Variants in KIFAP3 observed in about 807,000 individuals in gnomAD.
KIFAP3 encodes the protein kinesin-associated protein 3.
Under a neutral mutation model 106.5 loss-of-function variants are expected in KIFAP3, and 68 were observed. That is an observed-to-expected ratio of 0.64 (90% CI 0.53 to 0.78). The LOEUF is 0.78. KIFAP3 is among the 30% of genes least tolerant of loss of function. The pLI, the probability that KIFAP3 is intolerant of heterozygous loss-of-function variation, is 0.00. For missense variants in KIFAP3, 780 were observed against 941.8 expected, an observed-to-expected ratio of 0.83 and a Z score of 2.25; for synonymous variants, 320 against 311.5, an observed-to-expected ratio of 1.03 and a Z score of -0.29.
rs192475827 is a variant in KIFAP3, at chr1:169,994,574, T to C, written c.1184-2319A>G. Among the ~76,000 whole-genome samples, 547 of 152,220 alleles carry C rather than the reference T, an allele frequency of 3.6e-3. 7 individuals carry two copies. Among genetic ancestry groups the C allele is most frequent in the African/African-American group, 0.012 (496 of 41,560 alleles). ...TCCTTGGGATAAGATAAAAACAATA[T>C]ATGTTTTTCAGATGAATGGACACTA... On this transcript the variant is annotated intron_variant, in intron 10 of 19. Coordinates refer to ENST00000361580, the MANE Select transcript of KIFAP3 (RefSeq NM_014970.4).
At position 169,968,620 on chromosome 1, in the gene KIFAP3, ATAT is replaced by A. The variant is rs201259837; in HGVS notation, c.1983+3890_1983+3892del. Reference sequence around the variant, plus strand: ...ATCTTAAAAAATATTTATCCCAATAATATTGATAGACATACACATAATTTAACA... The same window carrying A: ...ATCTTAAAAAATATTTATCCCAATAATGATAGACATACACATAATTTAACA... On this transcript the variant is annotated intron_variant, in intron 17 of 19. Transcript: ENST00000361580. Among the ~76,000 whole-genome samples the A allele has an allele frequency of 2.2e-3, 335 of 152,082 alleles. 9 individuals carry two copies. The East Asian group carries it at 0.056, about 25-fold the overall frequency.
intron 8 of KIFAP3, among the ~76,000 whole-genome samples, chr1:170,030,611 A>G (rs1330825094): frequency 1.3e-5 from 2 of 151,940 alleles, no homozygotes; most frequent in African/African-American, 4.8e-5. Flanking sequence ...ATACTATTCA[A>G]TAACAAAAAG....
chr1:170,026,615 G>A (rs571645548), intron 8 of KIFAP3, among the ~76,000 whole-genome samples: 1 of 152,284 alleles, frequency 6.6e-6, no homozygotes, highest in South Asian at 2.1e-4. Flanking sequence ...AGAAAGAGCT[G>A]AGCAGAGAGA....
chr1:169,938,563 A>C (rs1027871791), intron 19 of KIFAP3, among the ~76,000 whole-genome samples: 1 of 152,162 alleles, frequency 6.6e-6, no homozygotes. Flanking sequence ...ATGTCTGAAT[A>C]CTGGCTCTGA....
Position 170,074,566 on chromosome 1 carries a change from G to T in KIFAP3, c.-99C>A. 1 of 1,590,112 alleles carries T rather than the reference G, an allele frequency of 6.3e-7. No individual in the cohort carries two copies. Among genetic ancestry groups the T allele is most frequent in the Non-Finnish European group, 8.6e-7 (1 of 1,168,548 alleles). ...CCAAAGTACCCTCACACCCAGAGGC[G>T]ATGACAGTCCTGAGGCCTGCAAGGC... On this transcript the variant is annotated 5_prime_UTR_variant, in exon 1 of 20. Coordinates refer to ENST00000361580, the MANE Select transcript of KIFAP3 (RefSeq NM_014970.4).
At chr1:169,964,131 A>C (rs1665478965) in intron 17 of KIFAP3, among the ~76,000 whole-genome samples, 1 of 152,206 alleles carries the variant, frequency 6.6e-6, no homozygotes, top group Non-Finnish European at 1.5e-5. Flanking sequence ...TAATTTATAC[A>C]ACCACCCAAT....
intron 17 of KIFAP3, among the ~76,000 whole-genome samples, chr1:169,969,201 C>A (rs41419546): frequency 0.043 from 6,565 of 152,038 alleles, 463 homozygotes; most frequent in African/African-American, 0.15. Flanking sequence ...TTAAAAGTGA[C>A]CAGCATTTAC....
intron 16 of KIFAP3, among the ~76,000 whole-genome samples, chr1:169,976,379 CTTG>C (rs1402120634): frequency 6.6e-6 from 1 of 152,064 alleles, no homozygotes; most frequent in African/African-American, 2.4e-5. Context: ...AGCAAGAAAA[CTTG>C]TTAACTTTAA....
intron 18 of KIFAP3, among the ~76,000 whole-genome samples, chr1:169,954,397 C>T (rs554378835): frequency 3.6e-4 from 55 of 151,578 alleles, no homozygotes; most frequent in Non-Finnish European, 6.6e-4. Context: ...CTTATGGTCT[C>T]GTATGGAGAA....
chr1:169,996,858 T>C (rs968852511), intron 10 of KIFAP3, among the ~76,000 whole-genome samples: 9 of 152,122 alleles, frequency 5.9e-5, no homozygotes, highest in Non-Finnish European at 2.9e-5. Flanking sequence ...CAATCAGATA[T>C]TTCTCAGAGG....
At chr1:170,038,610 C>T (rs1407558788) in intron 4 of KIFAP3, among the ~76,000 whole-genome samples, 179 bp from the exon 5 acceptor site, 1 of 152,034 alleles carries the variant, frequency 6.6e-6, no homozygotes, top group Non-Finnish European at 1.5e-5. Flanking sequence ...GACTCTAATA[C>T]AAAACCCCAT....
chr1:170,063,292 A>T (rs1671277166), intron 1 of KIFAP3, among the ~76,000 whole-genome samples: 3 of 152,110 alleles, frequency 2.0e-5, no homozygotes, highest in African/African-American at 7.2e-5. Flanking sequence ...TCTTTGAGAT[A>T]TTTTTCAGAC....
At chr1:169,965,806 C>T (rs1412259445) in intron 17 of KIFAP3, among the ~76,000 whole-genome samples, 1 of 151,124 alleles carries the variant, frequency 6.6e-6, no homozygotes, top group Non-Finnish European at 1.5e-5. Context: ...AAGAGATTAT[C>T]AAATCTATTT....
chr1:170,063,260 T>C (rs1671275818), intron 1 of KIFAP3, among the ~76,000 whole-genome samples: 1 of 152,166 alleles, frequency 6.6e-6, no homozygotes, highest in South Asian at 2.1e-4. Flanking sequence ...ATAACAACAC[T>C]ATTGTCAAAA....
chr1:169,982,161 T>C, intron 14 of KIFAP3, 64 bp from the exon 15 acceptor site: 1 of 1,503,312 alleles, frequency 6.7e-7, no homozygotes, highest in Non-Finnish European at 9.2e-7. Flanking sequence ...ATTTAGAGTA[T>C]CAAAATGTAA....
At chr1:170,017,775 C>T (rs1187300196) in intron 9 of KIFAP3, among the ~76,000 whole-genome samples, 1 of 152,130 alleles carries the variant, frequency 6.6e-6, no homozygotes, top group African/African-American at 2.4e-5. Context: ...TGTAAAAGGC[C>T]TATTTAAAAA....
rs548847926 is a variant in KIFAP3 at position 169,930,591 on chromosome 1, G to T, written c.2274-8810C>A. Among the ~76,000 whole-genome samples, 14 of 152,300 alleles carry T rather than the reference G, an allele frequency of 9.2e-5. 2 individuals carry two copies. In the South Asian group the frequency reaches 1.9e-3, roughly 20 times the overall value. The stretch of plus-strand genomic sequence containing the variant: ...CCCCTACCTAGGGTCTTTGAGCACA[G>T]ACAGGTTTTGGCCACTTCTCTGGGC... On this transcript the variant is annotated intron_variant, in intron 19 of 19. Transcript: ENST00000361580.
intron 19 of KIFAP3, among the ~76,000 whole-genome samples, chr1:169,926,293 G>T (rs144574953): frequency 8.5e-5 from 13 of 152,250 alleles, no homozygotes; most frequent in African/African-American, 3.1e-4. Flanking sequence ...TGATATGACT[G>T]CTTCACAACC....
intron 19 of KIFAP3, among the ~76,000 whole-genome samples, chr1:169,947,321 G>C (rs114477403): frequency 0.016 from 2,376 of 151,950 alleles, 65 homozygotes; most frequent in African/African-American, 0.054. Flanking sequence ...CCGAATCAGA[G>C]CAACTTTTAA....
Sources: gnomAD v4.1 joint callset for allele counts (sites outside exome capture counted in the v4.1 genomes callset) on GRCh38, gnomAD v4.1.1 for gene constraint, MANE v1.5 for transcripts, NCBI Gene and HGNC (gene_info 2026-07-23, HGNC 2026-07-21) for gene names.